TTC39C: variants seen among roughly 807,000 people sequenced by gnomAD.
TTC39C encodes tetratricopeptide repeat domain 39C, also known as tetratricopeptide repeat protein 39C.
Under a neutral mutation model 76.3 loss-of-function variants are expected in TTC39C, and 33 were observed. That is an observed-to-expected ratio of 0.43 (90% CI 0.33 to 0.58). TTC39C has a LOEUF of 0.58. TTC39C is among the 20% of genes least tolerant of loss of function. TTC39C has a pLI of 0.04. For synonymous variants in TTC39C, 254 were observed against 260.6 expected, an observed-to-expected ratio of 0.97 and a Z score of 0.24; for missense variants, 595 against 701.4, an observed-to-expected ratio of 0.85 and a Z score of 1.71.
chr18:24,024,012 A>ATTTT (rs1568409158), intron 1 of TTC39C, among the ~76,000 whole-genome samples: 2 of 6,264 alleles, frequency 3.2e-4, no homozygotes, highest in African/African-American at 1.0e-3. Context: ...ATATATATAT[A>ATTTT]TATATTTTTT....
chr18:24,076,083 TCTC>T (rs1165768359), intron 4 of TTC39C, among the ~76,000 whole-genome samples: 4 of 152,232 alleles, frequency 2.6e-5, no homozygotes, highest in African/African-American at 9.6e-5. Context: ...TTCATGCTAT[TCTC>T]CTGCCTCAGC....
intron 10 of TTC39C, among the ~76,000 whole-genome samples, chr18:24,128,204 G>T (rs1011137191): frequency 5.3e-5 from 8 of 152,196 alleles, no homozygotes; most frequent in African/African-American, 1.9e-4. Context: ...ATGAATGAAT[G>T]AACAAGTGAG....
chr18:24,072,260 G>A (rs567667329), intron 4 of TTC39C, among the ~76,000 whole-genome samples: 7 of 151,654 alleles, frequency 4.6e-5, no homozygotes, highest in Admixed American at 2.0e-4. Context: ...AGCTCTGGTA[G>A]GGATGAGCCA....
chr18:24,013,193 T>G (rs1473108795), upstream of TTC39C, among the ~76,000 whole-genome samples: 1 of 152,240 alleles, frequency 6.6e-6, no homozygotes, highest in African/African-American at 2.4e-5. Context: ...ATGAATGCAG[T>G]GACTCCTGCA....
At chr18:24,042,405 C>A (rs984792819) in intron 1 of TTC39C, among the ~76,000 whole-genome samples, 1 of 152,146 alleles carries the variant, frequency 6.6e-6, no homozygotes, top group Non-Finnish European at 1.5e-5. Context: ...AGACCCCCCA[C>A]GTGCACAGTT....
intron 6 of TTC39C, 65 bp from the exon 7 acceptor site, chr18:24,114,489 A>G (rs2084866144): frequency 1.6e-6 from 2 of 1,212,180 alleles, no homozygotes; most frequent in Non-Finnish European, 2.4e-6. Flanking sequence ...ATGCTTTTGA[A>G]TTATGATGAT....
chr18:24,098,301 G>A (rs556136805), intron 6 of TTC39C, among the ~76,000 whole-genome samples: 7 of 151,966 alleles, frequency 4.6e-5, no homozygotes, highest in African/African-American at 1.7e-4. Flanking sequence ...GATGAGATAA[G>A]TACTTTGTGA....
intron 1 of TTC39C, among the ~76,000 whole-genome samples, chr18:24,026,756 C>T (rs973762309): frequency 1.3e-5 from 2 of 152,158 alleles, no homozygotes; most frequent in African/African-American, 4.8e-5. Flanking sequence ...CTTCTTAGCA[C>T]ACAGATTATT....
At chr18:24,065,942 T>C (rs1247899659) in intron 2 of TTC39C, 70 bp from the exon 3 acceptor site, 3 of 1,446,944 alleles carry the variant, frequency 2.1e-6, no homozygotes, top group African/African-American at 2.9e-5. Flanking sequence ...TTTGGAGTTT[T>C]CTTGTAATAA....
chr18:24,083,161 A>C, intron 6 of TTC39C, 80 bp downstream of exon 6: 1 of 1,424,492 alleles, frequency 7.0e-7, no homozygotes, highest in Non-Finnish European at 9.4e-7. Flanking sequence ...CTGGTATTAA[A>C]ACGAGCCAGA....
intron 1 of TTC39C, among the ~76,000 whole-genome samples, chr18:24,061,220 A>C (rs1288083365): frequency 2.0e-5 from 3 of 149,020 alleles, no homozygotes; most frequent in Non-Finnish European, 3.0e-5. Flanking sequence ...GCAAATATTT[A>C]GTCTTCTTTT....
At chr18:24,086,788 T>TG (rs994032469) in intron 6 of TTC39C, among the ~76,000 whole-genome samples, 11 of 152,194 alleles carry the variant, frequency 7.2e-5, no homozygotes, top group African/African-American at 2.7e-4. Context: ...ACTACATTGC[T>TG]GGGGGGAATG....
At position 24,118,147 on chromosome 18, in the gene TTC39C, C is replaced by A. The variant is rs1467843664; in HGVS notation, c.1101C>A (p.Leu367=). 5.0e-6 allele frequency: 8 copies of A among 1,613,646 alleles called. No homozygotes were observed. The highest frequency in any genetic ancestry group is 6.8e-6 in the Non-Finnish European group (8 of 1,179,906). Residue 367 remains leucine, a synonymous_variant, in exon 8 of 14, where the codon CTC becomes CTA. Coordinates refer to ENST00000317571, the MANE Select transcript of TTC39C (RefSeq NM_001135993.2). Reference sequence around the variant, plus strand: ...TAGGTTGGTGCAGCATGATAGAGCTCAATTTCAAGGATGCATTTGATTCCT... The same window carrying A: ...TAGGTTGGTGCAGCATGATAGAGCTAAATTTCAAGGATGCATTTGATTCCT... The part of the protein sequence containing the change: ...YEIGWCSMIE[L]NFKDAFDSFE...
intron 6 of TTC39C, chr18:24,113,237 G>T (rs2084839481): frequency 3.7e-6 from 1 of 273,128 alleles, no homozygotes; most frequent in Admixed American, 4.8e-5. Context: ...TATTGATCCA[G>T]CTGGGCCTTG....
At chr18:24,012,680 C>T (rs2145636173), upstream of TTC39C, among the ~76,000 whole-genome samples, 1 of 152,246 alleles carries the variant, frequency 6.6e-6, no homozygotes, top group South Asian at 2.1e-4. Context: ...CTTCAGGGAT[C>T]TGGGCAAATG....
At chr18:24,031,679 C>T (rs1239881742) in intron 1 of TTC39C, among the ~76,000 whole-genome samples, 1 of 152,192 alleles carries the variant, frequency 6.6e-6, no homozygotes, top group African/African-American at 2.4e-5. Flanking sequence ...GCCTTATATC[C>T]TCCCTGCCCT....
At chr18:24,099,435 A>G (rs1166554820) in intron 6 of TTC39C, 1 of 151,906 alleles carries the variant, frequency 6.6e-6, no homozygotes, top group Non-Finnish European at 1.5e-5. Context: ...ACCTCCTAAT[A>G]CAGTTCCAGT....
At chr18:24,030,332 A>G (rs2083651416) in intron 1 of TTC39C, among the ~76,000 whole-genome samples, 1 of 152,214 alleles carries the variant, frequency 6.6e-6, no homozygotes, top group African/African-American at 2.4e-5. Context: ...TTAATGATAG[A>G]TTGAGAAAAC....
At position 24,083,164 on chromosome 18, in the gene TTC39C, G is replaced by A. The variant is rs1027398387; in HGVS notation, c.984+83G>A. On this transcript the variant is annotated intron_variant, in intron 6 of 13. Coordinates refer to ENST00000317571, the MANE Select transcript of TTC39C (RefSeq NM_001135993.2). ...CTCACTTGAGGACTGGTATTAAAACGAGCCAGAATGTCCCAGGGCCCCGGA... is the reference window on the plus strand; with the variant it reads ...CTCACTTGAGGACTGGTATTAAAACAAGCCAGAATGTCCCAGGGCCCCGGA... The A allele has an allele frequency of 7.1e-6, 10 of 1,402,082 alleles. No individual in the cohort carries two copies. In the Admixed American group the frequency reaches 1.4e-4, roughly 20 times the overall value. The allele number at this position is 1,402,082 out of a possible 1,614,324, so 86.9% of individuals were successfully genotyped here. A position where few individuals can be genotyped will look rare whatever the true frequency, so the allele number is the denominator to read the frequency against.
Sources: gnomAD v4.1 joint callset for allele counts (sites outside exome capture counted in the v4.1 genomes callset) on GRCh38, gnomAD v4.1.1 for gene constraint, MANE v1.5 for transcripts, NCBI Gene and HGNC (gene_info 2026-07-23, HGNC 2026-07-21) for gene names.